The following FAM227A variants were observed in gnomAD, a reference collection of about 807,000 sequenced individuals.
The protein encoded by FAM227A is family with sequence similarity 227 member A.
A neutral mutation model predicts 74.7 loss-of-function variants in FAM227A; 80 were observed. The ratio of observed to expected loss-of-function variants is 1.07; its 90% CI spans 0.89 to 1.29. The LOEUF (loss-of-function observed/expected upper bound fraction) is 1.29. FAM227A is among the 50% of genes most tolerant of loss of function. FAM227A has a pLI of 0.00. For synonymous variants in FAM227A, 237 were observed against 241.8 expected (o/e 0.98, Z 0.19); for missense variants, 654 against 683.4 (o/e 0.96, Z 0.48).
chr22:38,639,721 T>C lies in FAM227A; in HGVS notation c.229A>G (p.Ile77Val), dbSNP rs371485099. 32 of 1,550,000 alleles carry C rather than the reference T, an allele frequency of 2.1e-5. No individual in the cohort carries two copies. Among genetic ancestry groups the C allele is most frequent in the Admixed American group, 5.9e-5 (3 of 50,980 alleles). The change falls in exon 4 of 17, where the codon ATT becomes GTT. Residue 77 changes from isoleucine to valine, a missense_variant. Ile to Val is a conservative substitution (Grantham distance 29). Coordinates refer to ENST00000535113, the MANE Select transcript of FAM227A (RefSeq NM_001013647.2). Reference sequence around the variant, plus strand: ...TTCTTCTCCAACTCAAATCTCTCAATTGCCTTCAAAAACCAAGAAAAAGGG... The same window carrying C: ...TTCTTCTCCAACTCAAATCTCTCAACTGCCTTCAAAAACCAAGAAAAAGGG... Reference protein sequence around the residue: ...RTEPSANSLAIERFELEKKAL... With the variant: ...RTEPSANSLAVERFELEKKAL...
chr22:38,650,006 G>A, intron 2 of FAM227A, 21 bp downstream of exon 2: 1 of 1,551,628 alleles, frequency 6.4e-7, no homozygotes, highest in Non-Finnish European at 8.7e-7. Context: ...CTGATTGTAG[G>A]TGACATCACC....
intron 1 of FAM227A, among the ~76,000 whole-genome samples, chr22:38,654,071 G>A (rs553753116): frequency 4.3e-4 from 65 of 152,252 alleles, no homozygotes; most frequent in South Asian, 3.1e-3. Flanking sequence ...GAGCAGGGCC[G>A]GGCGCGGTGG....
At chr22:38,604,686 C>T (rs2091247022) in intron 13 of FAM227A, among the ~76,000 whole-genome samples, 1 of 152,130 alleles carries the variant, frequency 6.6e-6, no homozygotes, top group African/African-American at 2.4e-5. Flanking sequence ...CGGAGTCAGA[C>T]TCTGTTGCCC....
In FAM227A at chr22:38,597,230, T is replaced by C; in HGVS notation, c.1506A>G (p.Leu502=). The change falls in exon 15 of 17, where the codon CTA becomes CTG. Residue 502 remains leucine (L), a synonymous_variant. Transcript: ENST00000535113. ...WTEWNYFDKH[L]KELQDNFSRE... ...TGGAGAAGTTGTCTTGCAGCTCCTT[T>C]AGATGCTTGTCAAAATAATTCCATT... 4 of 1,552,302 alleles carry C rather than the reference T, an allele frequency of 2.6e-6. No homozygotes were observed. The highest frequency in any genetic ancestry group is 2.0e-5 in the Admixed American group (1 of 51,002).
chr22:38,655,337 C>T (rs1359815101), intron 1 of FAM227A, among the ~76,000 whole-genome samples: 3 of 151,354 alleles, frequency 2.0e-5, no homozygotes, highest in Non-Finnish European at 4.4e-5. Context: ...CGAGACCAGC[C>T]TGGCCAACAT....
chr22:38,637,515 A>G (rs2092030618), intron 5 of FAM227A, among the ~76,000 whole-genome samples: 1 of 152,258 alleles, frequency 6.6e-6, no homozygotes, highest in South Asian at 2.1e-4. Context: ...GAAACTAATT[A>G]CCGCCACCCA....
intron 11 of FAM227A, among the ~76,000 whole-genome samples, chr22:38,611,678 G>A (rs1435949753): frequency 6.6e-6 from 1 of 152,064 alleles, no homozygotes; most frequent in Non-Finnish European, 1.5e-5. Flanking sequence ...CTGGCACCAA[G>A]CCCAGAAAGG....
chr22:38,626,891 A>AAAAATATATATAT (rs1555966996), intron 8 of FAM227A, among the ~76,000 whole-genome samples: 4 of 57,690 alleles, frequency 6.9e-5, no homozygotes, highest in African/African-American at 3.5e-4. Context: ...AAAAAAAAAA[A>AAAAATATATATAT]ATATATATAT....
chr22:38,616,085 G>A (rs1265017425), intron 11 of FAM227A, among the ~76,000 whole-genome samples: 7 of 152,194 alleles, frequency 4.6e-5, no homozygotes, highest in Non-Finnish European at 1.0e-4. Flanking sequence ...TAAGGAAGGG[G>A]GCTTGGGAAA....
Position 38,607,511 on chromosome 22 carries a change from AGC to A in FAM227A, c.1039-37_1039-36del, listed in dbSNP as rs747623592. 6 of 1,359,120 alleles carry A rather than the reference AGC, an allele frequency of 4.4e-6. No individual in the cohort carries two copies. The South Asian group carries it at 7.6e-5, about 17-fold the overall frequency. 84.2% of individuals were successfully genotyped at this position (1,359,120 alleles called of 1,614,324 possible). ...ACAAGAGAGAGAAAGAGAGGGAGAA[AGC>A]GAGAGAGAGAGAACAAAATAAAATT... is the stretch of plus-strand genomic sequence containing the variant. On this transcript the variant is annotated intron_variant, in intron 11 of 16. Transcript: ENST00000535113.
At chr22:38,641,942 C>T (rs960102399) in intron 3 of FAM227A, among the ~76,000 whole-genome samples, 3 of 141,502 alleles carry the variant, frequency 2.1e-5, no homozygotes, top group African/African-American at 5.2e-5. Flanking sequence ...TCCTGCCTCC[C>T]GAAAAGGTGT....
At position 38,586,123 on chromosome 22, in the gene FAM227A, C is replaced by T. The variant is rs1172021852; in HGVS notation, c.*2G>A. ...CTTCCTGGTTCTAGGTTGTGGAGCT[C>T]CTCAGGGCTTGGAAGTGAGTGGAAA... On this transcript the variant is annotated 3_prime_UTR_variant, in exon 17 of 17. Transcript: ENST00000535113. The T allele has an allele frequency of 6.4e-7, 1 of 1,552,010 alleles. No individual in the cohort carries two copies. Among genetic ancestry groups the T allele is most frequent in the South Asian group, 1.2e-5 (1 of 84,058 alleles).
chr22:38,650,017 A>C lies in FAM227A; in HGVS notation c.142+10T>G. 1 of 1,552,102 alleles carries C rather than the reference A, an allele frequency of 6.4e-7. No individual in the cohort carries two copies. The highest frequency in any genetic ancestry group is 1.2e-5 in the South Asian group (1 of 84,004). On this transcript the variant is annotated intron_variant, in intron 2 of 16. Transcript: ENST00000535113. ...TGGTCTGATTGTAGGTGACATCACC[A>C]GAAGGATACAGGGTGGATTGTTCTC...
intron 11 of FAM227A, among the ~76,000 whole-genome samples, chr22:38,609,334 C>T (rs1292443385): frequency 2.0e-5 from 3 of 152,062 alleles, no homozygotes; most frequent in African/African-American, 7.2e-5. Context: ...ACATGCCCAG[C>T]AAAAAATTGG....
intron 13 of FAM227A, among the ~76,000 whole-genome samples, 163 bp from the exon 14 acceptor site, chr22:38,600,084 G>A (rs2091139744): frequency 6.6e-6 from 1 of 151,970 alleles, no homozygotes; most frequent in South Asian, 2.1e-4. Context: ...AAAGGTCAAG[G>A]GGCAAAGATG....
chr22:38,583,015 A>G lies in FAM227A; in HGVS notation c.*3110T>C, dbSNP rs2090733202. ...AGAAGCAGCAACAGACAAAAGATCC[A>G]GAAATAGGAAAGTGTGGTTCCTAGA... On this transcript the variant is annotated 3_prime_UTR_variant, in exon 17 of 17. Coordinates refer to ENST00000535113, the MANE Select transcript of FAM227A (RefSeq NM_001013647.2). 1 of 1,516,482 alleles carries G rather than the reference A, an allele frequency of 6.6e-7. No homozygotes were observed. The highest frequency in any genetic ancestry group is 8.9e-7 in the Non-Finnish European group (1 of 1,118,210). The allele number at this position is 1,516,482 out of a possible 1,614,324, so 93.9% of individuals were successfully genotyped here. A position where few individuals can be genotyped will look rare whatever the true frequency, so the allele number is the denominator to read the frequency against.
chr22:38,607,814 A>C (rs2091318208), intron 11 of FAM227A, among the ~76,000 whole-genome samples: 1 of 152,142 alleles, frequency 6.6e-6, no homozygotes. Flanking sequence ...ATGCATGCAA[A>C]TTACACGAGT....
At position 38,640,996 on chromosome 22, in the gene FAM227A, G is replaced by A. The variant is rs556670802; in HGVS notation, c.226-1272C>T. On this transcript the variant is annotated intron_variant, in intron 3 of 16. Transcript: ENST00000535113. Reference sequence around the variant, plus strand: ...TCCAATTAAGTAAGCTGAAATTTAAGGCATGAGGAATGAATTGGATGGGTA... The same window carrying A: ...TCCAATTAAGTAAGCTGAAATTTAAAGCATGAGGAATGAATTGGATGGGTA... 5.9e-5 allele frequency among the ~76,000 whole-genome samples: 9 copies of A among 152,214 alleles called. No individual in the cohort carries two copies. The East Asian group carries it at 1.5e-3, about 26-fold the overall frequency.
intron 1 of FAM227A, chr22:38,653,800 G>T (rs2092353824): frequency 1.3e-5 from 2 of 152,186 alleles, no homozygotes; most frequent in Non-Finnish European, 2.9e-5. Flanking sequence ...ATTATTTACT[G>T]AGTACCTACC....
Sources: allele counts gnomAD v4.1 joint callset (sites outside exome capture counted in the v4.1 genomes callset), GRCh38; gene constraint gnomAD v4.1.1; transcripts MANE v1.5; gene names NCBI Gene and HGNC (gene_info 2026-07-23, HGNC 2026-07-21).